The following GABRB1 variants were observed in gnomAD, a reference collection of about 807,000 sequenced individuals.
The protein encoded by GABRB1 is gamma-aminobutyric acid receptor subunit beta-1.
In GABRB1, 17 loss-of-function variants were observed where a neutral mutation model predicts 51.6. That is an observed-to-expected ratio of 0.33 (90% CI 0.23 to 0.49). The LOEUF (loss-of-function observed/expected upper bound fraction) is 0.49. Among genes scored for constraint, GABRB1 ranks in the 20% least tolerant of loss-of-function variants. The pLI is 0.99. For missense variants in GABRB1, 410 were observed against 600.6 expected, an observed-to-expected ratio of 0.68 and a Z score of 3.32; for synonymous variants, 247 against 218.9, an observed-to-expected ratio of 1.13 and a Z score of -1.14.
At chr4:47,376,422 G>A (rs1049573196) in intron 5 of GABRB1, among the ~76,000 whole-genome samples, 3 of 152,132 alleles carry the variant, frequency 2.0e-5, no homozygotes, top group African/African-American at 7.2e-5. Flanking sequence ...CGAGACGGGC[G>A]GATCACGAGA....
chr4:47,039,095 G>A (rs948209007), intron 3 of GABRB1, among the ~76,000 whole-genome samples: 2 of 151,812 alleles, frequency 1.3e-5, no homozygotes, highest in African/African-American at 4.8e-5. Flanking sequence ...AAATGTTTAC[G>A]ATTAATTCAT....
chr4:47,098,856 T>A (rs927750146), intron 3 of GABRB1, among the ~76,000 whole-genome samples: 4 of 152,110 alleles, frequency 2.6e-5, no homozygotes, highest in African/African-American at 4.8e-5. Flanking sequence ...CTCGAGTAGA[T>A]ATCACCTAGT....
chr4:47,131,600 C>T (rs1716422203), intron 3 of GABRB1, among the ~76,000 whole-genome samples: 1 of 152,084 alleles, frequency 6.6e-6, no homozygotes, highest in African/African-American at 2.4e-5. Flanking sequence ...TTGTCTCTTT[C>T]TGCAATGCTA....
chr4:47,325,377 G>A (rs1203827578), intron 5 of GABRB1, among the ~76,000 whole-genome samples: 3 of 151,088 alleles, frequency 2.0e-5, no homozygotes, highest in Non-Finnish European at 4.4e-5. Context: ...AGAGGTTGCA[G>A]TGAGCTGAGA....
At chr4:47,243,826 C>CAAACAGG (rs1287785564) in intron 4 of GABRB1, among the ~76,000 whole-genome samples, 2 of 152,160 alleles carry the variant, frequency 1.3e-5, no homozygotes, top group Non-Finnish European at 1.5e-5. Flanking sequence ...ATGTCATCTG[C>CAAACAGG]AAACAGGGAC....
intron 4 of GABRB1, among the ~76,000 whole-genome samples, chr4:47,170,403 G>GCA (rs747687264): frequency 7.3e-6 from 1 of 136,780 alleles, no homozygotes; most frequent in Non-Finnish European, 1.6e-5. Context: ...ACACACACAC[G>GCA]CACACACACA....
At chr4:47,292,117 TG>T (rs757247233) in intron 4 of GABRB1, among the ~76,000 whole-genome samples, 1 of 152,180 alleles carries the variant, frequency 6.6e-6, no homozygotes, top group Non-Finnish European at 1.5e-5. Flanking sequence ...AATTGAATCA[TG>T]GGGGCAGGTC....
intron 3 of GABRB1, among the ~76,000 whole-genome samples, chr4:47,150,382 A>C (rs893915902): frequency 6.7e-6 from 1 of 149,204 alleles, no homozygotes; most frequent in African/African-American, 2.5e-5. Flanking sequence ...ACACACACAG[A>C]GAGAGAGAGA....
intron 4 of GABRB1, among the ~76,000 whole-genome samples, chr4:47,178,041 G>T (rs890350782): frequency 1.3e-5 from 2 of 151,986 alleles, no homozygotes; most frequent in African/African-American, 4.8e-5. Context: ...GATGTTGGTG[G>T]AAGCCAGTCT....
At chr4:47,192,047 A>G (rs939354556) in intron 4 of GABRB1, among the ~76,000 whole-genome samples, 2 of 152,010 alleles carry the variant, frequency 1.3e-5, no homozygotes, top group East Asian at 3.8e-4. Flanking sequence ...TATAATTCAC[A>G]TTTTCTTTTT....
At chr4:47,327,371 A>G in intron 5 of GABRB1, among the ~76,000 whole-genome samples, 1 of 139,884 alleles carries the variant, frequency 7.1e-6, no homozygotes, top group East Asian at 1.9e-4. Context: ...AGAAAAAAAG[A>G]AAAAAAAAAC....
At chr4:47,027,689 A>AT (rs970084079), upstream of GABRB1, among the ~76,000 whole-genome samples, 3 of 151,652 alleles carry the variant, frequency 2.0e-5, no homozygotes, top group African/African-American at 7.2e-5. Context: ...ATAACATGAG[A>AT]TTTTTAGATT....
At chr4:47,382,902 A>G (rs1727643550) in intron 5 of GABRB1, among the ~76,000 whole-genome samples, 1 of 152,222 alleles carries the variant, frequency 6.6e-6, no homozygotes, top group African/African-American at 2.4e-5. Flanking sequence ...ATTCTAGCAA[A>G]ACCAATAATA....
At chr4:47,296,759 C>T (rs1442815421) in intron 4 of GABRB1, among the ~76,000 whole-genome samples, 5 of 152,152 alleles carry the variant, frequency 3.3e-5, no homozygotes, top group Non-Finnish European at 7.3e-5. Flanking sequence ...CTAAGTGGAC[C>T]TAATAGACAT....
chr4:47,070,977 CA>C (rs1256686647), intron 3 of GABRB1, among the ~76,000 whole-genome samples: 1 of 152,170 alleles, frequency 6.6e-6, no homozygotes, highest in Non-Finnish European at 1.5e-5. Context: ...CATATCCAAA[CA>C]AAATCCTTAT....
At chr4:47,244,057 C>A (rs1180311690) in intron 4 of GABRB1, among the ~76,000 whole-genome samples, 3 of 152,118 alleles carry the variant, frequency 2.0e-5, no homozygotes, top group Non-Finnish European at 2.9e-5. Flanking sequence ...AGATATGTCC[C>A]ATCAATACCT....
rs1383816628 is a variant in GABRB1 at position 47,366,727 on chromosome 4, CTT to C, written c.545-36587_545-36586del. On this transcript the variant is annotated intron_variant, in intron 5 of 8. Transcript: ENST00000295454. ...AATAATGTCATGTGGCAGAGGTAGA[CTT>C]TTTCATGAGATGACATTCGTAATTT... Among the ~76,000 whole-genome samples, 20 of 152,174 alleles carry C rather than the reference CTT, an allele frequency of 1.3e-4. 1 individual carries two copies. The South Asian group carries it at 4.2e-3, about 32-fold the overall frequency.
intron 4 of GABRB1, among the ~76,000 whole-genome samples, chr4:47,166,823 C>G (rs1289082474): frequency 1.3e-5 from 2 of 152,076 alleles, no homozygotes; most frequent in Non-Finnish European, 2.9e-5. Flanking sequence ...TTCTCTGCCC[C>G]CACTCCACCA....
chr4:47,086,433 T>C (rs1194470875), intron 3 of GABRB1, among the ~76,000 whole-genome samples: 1 of 152,188 alleles, frequency 6.6e-6, no homozygotes, highest in African/African-American at 2.4e-5. Context: ...TACATATTCT[T>C]TTATATTAGA....
Sources: allele counts gnomAD v4.1 joint callset (sites outside exome capture counted in the v4.1 genomes callset), GRCh38; gene constraint gnomAD v4.1.1; transcripts MANE v1.5; gene names NCBI Gene and HGNC (gene_info 2026-07-23, HGNC 2026-07-21).